The following ZNF385B variants were observed in gnomAD, a reference collection of about 807,000 sequenced individuals.
The protein encoded by ZNF385B is zinc finger protein 385B, also known as zinc finger protein 533.
In ZNF385B, 23 loss-of-function variants were observed where a neutral mutation model predicts 39.2. The ratio of observed to expected loss-of-function variants is 0.59; its 90% confidence interval spans 0.42 to 0.83. The LOEUF (loss-of-function observed/expected upper bound fraction) is 0.83. ZNF385B is among the 40% of genes least tolerant of loss of function. The pLI is 0.00. For synonymous variants in ZNF385B, 205 were observed against 222.6 expected (o/e 0.92, Z 0.70); for missense variants, 552 against 598.9 (o/e 0.92, Z 0.82).
intron 6 of ZNF385B, among the ~76,000 whole-genome samples, chr2:179,455,630 C>T (rs938946892): frequency 3.9e-5 from 6 of 152,080 alleles, no homozygotes; most frequent in Non-Finnish European, 5.9e-5. Flanking sequence ...GTGGCTCACA[C>T]CTGTAATCCC....
chr2:179,696,197 T>A (rs1698724535), intron 3 of ZNF385B, among the ~76,000 whole-genome samples: 1 of 152,114 alleles, frequency 6.6e-6, no homozygotes, highest in Non-Finnish European at 1.5e-5. Flanking sequence ...TAAAACTTAC[T>A]GTGGTGATGA....
At chr2:179,506,231 A>C (rs2057246001) in intron 5 of ZNF385B, among the ~76,000 whole-genome samples, 1 of 152,114 alleles carries the variant, frequency 6.6e-6, no homozygotes, top group Non-Finnish European at 1.5e-5. Context: ...TAGTATAGTG[A>C]ATTTAAAGGC....
chr2:179,743,731 A>G (rs986327379), intron 3 of ZNF385B, among the ~76,000 whole-genome samples: 8 of 152,190 alleles, frequency 5.3e-5, no homozygotes, highest in African/African-American at 9.6e-5. Context: ...TTCTTAGCAC[A>G]TTGACAAATG....
At chr2:179,602,083 CAAGA>C (rs1688454670) in intron 3 of ZNF385B, among the ~76,000 whole-genome samples, 1 of 151,954 alleles carries the variant, frequency 6.6e-6, no homozygotes, top group Admixed American at 6.6e-5. Flanking sequence ...GTATATTCTA[CAAGA>C]AAGAAAAATA....
intron 1 of ZNF385B, among the ~76,000 whole-genome samples, chr2:179,816,372 C>G (rs890780930): frequency 6.6e-6 from 1 of 152,138 alleles, no homozygotes; most frequent in Admixed American, 6.5e-5. Flanking sequence ...GGACCTTTTC[C>G]GTCATCTGTT....
At chr2:179,515,599 T>C (rs1476860978) in intron 5 of ZNF385B, among the ~76,000 whole-genome samples, 3 of 152,248 alleles carry the variant, frequency 2.0e-5, no homozygotes, top group South Asian at 4.1e-4. Flanking sequence ...TACTTGAATC[T>C]ATTTCAGTAT....
At chr2:179,493,716 C>CATATGCGT (rs2055694127) in intron 5 of ZNF385B, among the ~76,000 whole-genome samples, 1 of 87,228 alleles carries the variant, frequency 1.1e-5, no homozygotes, top group Non-Finnish European at 2.5e-5. Flanking sequence ...TACACATATG[C>CATATGCGT]ATATACGTAT....
At chr2:179,608,624 G>A (rs1452493627) in intron 3 of ZNF385B, among the ~76,000 whole-genome samples, 2 of 151,968 alleles carry the variant, frequency 1.3e-5, no homozygotes, top group East Asian at 1.9e-4. Flanking sequence ...CTAGAACAGC[G>A]ATTCTCAGAT....
intron 1 of ZNF385B, among the ~76,000 whole-genome samples, chr2:179,850,093 G>C (rs1709000748): frequency 6.6e-6 from 1 of 152,166 alleles, no homozygotes; most frequent in South Asian, 2.1e-4. Context: ...AATAAGTGCA[G>C]TGTGCTCAAA....
At chr2:179,513,480 G>A (rs2057842180) in intron 5 of ZNF385B, among the ~76,000 whole-genome samples, 1 of 152,204 alleles carries the variant, frequency 6.6e-6, no homozygotes. Context: ...ATCCCTATTA[G>A]TAAGTACAAA....
chr2:179,799,888 C>G (rs1042444736), intron 1 of ZNF385B, among the ~76,000 whole-genome samples: 4 of 152,056 alleles, frequency 2.6e-5, no homozygotes, highest in African/African-American at 9.7e-5. Flanking sequence ...ATCCAAGCGG[C>G]AGTCCAGAAA....
chr2:179,789,213 T>C (rs563540047), intron 1 of ZNF385B, among the ~76,000 whole-genome samples: 9 of 152,244 alleles, frequency 5.9e-5, no homozygotes, highest in Non-Finnish European at 1.3e-4. Context: ...CTAAGTGTAA[T>C]TGTTAAATCT....
chr2:179,722,343 A>G (rs1338335301), intron 3 of ZNF385B, among the ~76,000 whole-genome samples: 10 of 152,170 alleles, frequency 6.6e-5, no homozygotes. Flanking sequence ...TCAGCTGTGA[A>G]GAATTTTTAT....
At chr2:179,458,321 T>C (rs1029520179) in intron 6 of ZNF385B, among the ~76,000 whole-genome samples, 4 of 152,200 alleles carry the variant, frequency 2.6e-5, no homozygotes, top group Non-Finnish European at 5.9e-5. Flanking sequence ...GCTCTCTCTT[T>C]ACCTGCTGAC....
chr2:179,455,716 C>T (rs1007463611), intron 6 of ZNF385B, among the ~76,000 whole-genome samples: 8 of 147,176 alleles, frequency 5.4e-5, no homozygotes, highest in East Asian at 4.0e-4. Flanking sequence ...GATGAAATCC[C>T]GTCTCTACCA....
chr2:179,640,040 A>G (rs1283451850), intron 3 of ZNF385B, among the ~76,000 whole-genome samples: 1 of 152,196 alleles, frequency 6.6e-6, no homozygotes, highest in Non-Finnish European at 1.5e-5. Flanking sequence ...AAAAGGAAGG[A>G]CATTTTGCAA....
At chr2:179,583,896 A>C (rs1686808025) in intron 3 of ZNF385B, 4 of 1,302,480 alleles carry the variant, frequency 3.1e-6, no homozygotes, top group Non-Finnish European at 4.0e-6. Context: ...TAAATTATAC[A>C]TTTTCTCTCT....
Position 179,502,821 on chromosome 2 carries a change from G to T in ZNF385B, c.552+15707C>A, listed in dbSNP as rs756905152. Among the ~76,000 whole-genome samples, 38 of 152,054 alleles carry T rather than the reference G, an allele frequency of 2.5e-4. 1 individual carries two copies. The highest frequency in any genetic ancestry group is 6.6e-5 in the Admixed American group (1 of 15,262). ...ATTCAATCCATCACCAAGTCCAATAGATTTTACCTCCTAAATATTTATCTA... is the reference window on the plus strand; with the variant it reads ...ATTCAATCCATCACCAAGTCCAATATATTTTACCTCCTAAATATTTATCTA... On this transcript the variant is annotated intron_variant, in intron 5 of 9. Transcript: ENST00000410066.
chr2:179,834,929 T>C (rs375844501), intron 1 of ZNF385B, among the ~76,000 whole-genome samples: 167 of 152,226 alleles, frequency 1.1e-3, no homozygotes, highest in African/African-American at 3.8e-3. Context: ...CACGTCAAAA[T>C]TGAGAGATAC....
Sources: allele counts gnomAD v4.1 joint callset (sites outside exome capture counted in the v4.1 genomes callset), GRCh38; gene constraint gnomAD v4.1.1; transcripts MANE v1.5; gene names NCBI Gene and HGNC (gene_info 2026-07-23, HGNC 2026-07-21).